The following SEMA5A variants were observed in gnomAD, a reference collection of about 807,000 sequenced individuals.
SEMA5A encodes the protein semaphorin-5A.
A neutral mutation model predicts 135.5 loss-of-function variants in SEMA5A; 55 were observed. That is an observed-to-expected ratio of 0.41 (90% CI 0.33 to 0.51). The LOEUF (loss-of-function observed/expected upper bound fraction) is 0.51. SEMA5A is among the 20% of genes least tolerant of loss of function. The pLI is 0.37. For synonymous variants in SEMA5A, 580 were observed against 546.5 expected (o/e 1.06, Z -0.85); for missense variants, 1,290 against 1,419.9 (o/e 0.91, Z 1.47).
At chr5:9,200,636 A>G (rs1745653815) in intron 9 of SEMA5A, among the ~76,000 whole-genome samples, 1 of 152,212 alleles carries the variant, frequency 6.6e-6, no homozygotes. Context: ...ATATGTGTGG[A>G]GCCATCCATA....
intron 11 of SEMA5A, among the ~76,000 whole-genome samples, chr5:9,160,650 T>C (rs908737126): frequency 6.6e-6 from 1 of 151,834 alleles, no homozygotes; most frequent in African/African-American, 2.4e-5. Context: ...TTAATATATA[T>C]ATATTTTTTG....
At position 9,365,735 on chromosome 5, in the gene SEMA5A, A is replaced by C. The variant is rs766279854; in HGVS notation, c.124+14088T>G. 2.2e-4 allele frequency among the ~76,000 whole-genome samples: 33 copies of C among 152,330 alleles called. 1 individual carries two copies. The highest frequency in any genetic ancestry group is 3.4e-3 in the Middle Eastern group (1 of 294). On this transcript the variant is annotated intron_variant, in intron 3 of 22. Coordinates refer to ENST00000382496, the MANE Select transcript of SEMA5A (RefSeq NM_003966.3). ...GCCATTCATATGCAAACAATTCTGC[A>C]CATGGCTTCATGTAAGATTTGGCTT...
At chr5:9,262,857 T>A (rs1175977800) in intron 5 of SEMA5A, among the ~76,000 whole-genome samples, 2 of 123,782 alleles carry the variant, frequency 1.6e-5, no homozygotes, top group Admixed American at 1.8e-4. Flanking sequence ...GTAACTAACC[T>A]GCACAATGTG....
intron 11 of SEMA5A, 112 bp downstream of exon 11, chr5:9,190,155 A>G: frequency 8.7e-7 from 1 of 1,152,728 alleles, no homozygotes; most frequent in South Asian, 1.4e-5. Context: ...TGGTTGCAAA[A>G]AGAGACATCA....
At chr5:9,358,478 GCA>G (rs1258348916) in intron 3 of SEMA5A, among the ~76,000 whole-genome samples, 1 of 152,182 alleles carries the variant, frequency 6.6e-6, no homozygotes, top group African/African-American at 2.4e-5. Flanking sequence ...TCTTCCCTGT[GCA>G]CACAGTGTCC....
chr5:9,249,716 C>A (rs560922892), intron 5 of SEMA5A, among the ~76,000 whole-genome samples: 2 of 152,196 alleles, frequency 1.3e-5, no homozygotes, highest in South Asian at 4.1e-4. Context: ...AACACTCAAC[C>A]CAGATGTAGG....
At chr5:9,322,601 GA>G (rs1206825946) in intron 4 of SEMA5A, among the ~76,000 whole-genome samples, 1 of 152,080 alleles carries the variant, frequency 6.6e-6, no homozygotes, top group Non-Finnish European at 1.5e-5. Flanking sequence ...TAGAGTCTAA[GA>G]AATCAAGAAC....
intron 16 of SEMA5A, among the ~76,000 whole-genome samples, chr5:9,087,070 T>C (rs1222327263): frequency 1.3e-5 from 2 of 152,174 alleles, no homozygotes; most frequent in Admixed American, 6.5e-5. Flanking sequence ...ACTAAGCTGA[T>C]AGAGAAAGTA....
At chr5:9,059,843 C>T (rs1647891415) in intron 18 of SEMA5A, among the ~76,000 whole-genome samples, 1 of 152,184 alleles carries the variant, frequency 6.6e-6, no homozygotes. Context: ...AGCCTCCATG[C>T]CCGGCTGATT....
intron 16 of SEMA5A, among the ~76,000 whole-genome samples, chr5:9,093,956 G>A (rs1739180890): frequency 6.6e-6 from 1 of 152,030 alleles, no homozygotes; most frequent in Non-Finnish European, 1.5e-5. Context: ...ACACCTGTTG[G>A]TGCCCTTGAC....
chr5:9,369,488 G>GT (rs1336016775), intron 3 of SEMA5A, among the ~76,000 whole-genome samples: 1 of 151,990 alleles, frequency 6.6e-6, no homozygotes, highest in African/African-American at 2.4e-5. Context: ...CTTAACCTTA[G>GT]GTCTGTCATC....
At position 9,280,966 on chromosome 5, in the gene SEMA5A, C is replaced by G. The variant is rs188576884; in HGVS notation, c.270+37406G>C. On this transcript the variant is annotated intron_variant, in intron 5 of 22. Transcript: ENST00000382496. Reference sequence around the variant, plus strand: ...TAATAATATTAGCATGAATTAAGAACTTCTAGGCTTGAGAAAAACCACTTT... The same window carrying G: ...TAATAATATTAGCATGAATTAAGAAGTTCTAGGCTTGAGAAAAACCACTTT... Among the ~76,000 whole-genome samples, 11 of 152,200 alleles carry G rather than the reference C, an allele frequency of 7.2e-5. No homozygotes were observed. In the East Asian group the frequency reaches 2.1e-3, roughly 29 times the overall value.
chr5:9,384,567 GATAC>G (rs879451601), intron 2 of SEMA5A, among the ~76,000 whole-genome samples: 19,282 of 101,936 alleles, frequency 0.19, 2,398 homozygotes, highest in Middle Eastern at 0.28. Context: ...TAGATAGATA[GATAC>G]ATAGATAGAT....
chr5:9,445,601 G>A (rs1390962864), intron 1 of SEMA5A, among the ~76,000 whole-genome samples: 3 of 152,044 alleles, frequency 2.0e-5, no homozygotes, highest in Non-Finnish European at 4.4e-5. Flanking sequence ...CCCGGGAGAC[G>A]GAGCTTGCAA....
chr5:9,318,996 A>G (rs6889116), intron 4 of SEMA5A, among the ~76,000 whole-genome samples: 22,195 of 152,042 alleles, frequency 0.15, 1,715 homozygotes, highest in South Asian at 0.19. Flanking sequence ...CCTGAGAGGC[A>G]GAGGTTGCCA....
At chr5:9,062,498 C>T (rs1737237157) in intron 18 of SEMA5A, among the ~76,000 whole-genome samples, 1 of 152,192 alleles carries the variant, frequency 6.6e-6, no homozygotes, top group East Asian at 1.9e-4. Flanking sequence ...CAAGGTCTCG[C>T]TCTGTTACCC....
chr5:9,351,414 A>G (rs1226130971), intron 3 of SEMA5A, among the ~76,000 whole-genome samples: 2 of 152,138 alleles, frequency 1.3e-5, no homozygotes, highest in Admixed American at 6.5e-5. Flanking sequence ...GCCACTTATG[A>G]TATAATTAGT....
chr5:9,538,557 C>G (rs1036206370), intron 1 of SEMA5A, among the ~76,000 whole-genome samples: 2 of 152,202 alleles, frequency 1.3e-5, no homozygotes, highest in African/African-American at 4.8e-5. Flanking sequence ...AAAGATGTTC[C>G]CCCTGAGCTA....
chr5:9,163,113 C>T (rs1440832083), intron 11 of SEMA5A, among the ~76,000 whole-genome samples: 1 of 152,032 alleles, frequency 6.6e-6, no homozygotes, highest in Admixed American at 6.6e-5. Flanking sequence ...TCTTATCATA[C>T]CACTGACTAC....
Sources: allele counts gnomAD v4.1 joint callset (sites outside exome capture counted in the v4.1 genomes callset), GRCh38; gene constraint gnomAD v4.1.1; transcripts MANE v1.5; gene names NCBI Gene and HGNC (gene_info 2026-07-23, HGNC 2026-07-21).